The following SPATA13 variants were observed in gnomAD, a reference collection of about 807,000 sequenced individuals.
The protein encoded by SPATA13 is spermatogenesis-associated protein 13.
A neutral mutation model predicts 104.0 loss-of-function variants in SPATA13; 50 were observed. The ratio of observed to expected loss-of-function variants is 0.48; its 90% CI spans 0.38 to 0.61. The LOEUF is 0.61. Ranked by LOEUF, SPATA13 falls within the 20% of genes least tolerant of loss-of-function variation. The probability of loss-of-function intolerance (pLI) is 0.00; values close to 1 mark genes in which losing one functional copy is unlikely to be tolerated. For missense variants in SPATA13, 1,524 were observed against 1,690.6 expected (o/e 0.90, Z 1.73); for synonymous variants, 606 against 667.5 (o/e 0.91, Z 1.42).
At chr13:24,160,622 A>C, upstream of SPATA13, 3 of 617,766 alleles carry the variant, frequency 4.9e-6, no homozygotes, top group East Asian at 1.9e-4. Flanking sequence ...GGCCTGAGGG[A>C]GTGAGCTAAC....
At chr13:24,005,049 C>CT in intron 2 of SPATA13, among the ~76,000 whole-genome samples, 1 of 152,110 alleles carries the variant, frequency 6.6e-6, no homozygotes, top group African/African-American at 2.4e-5. Flanking sequence ...TTATCTTTGC[C>CT]ACATTGCTTT....
intron 1 of SPATA13, among the ~76,000 whole-genome samples, chr13:24,171,034 C>T (rs1882946657): frequency 6.6e-6 from 1 of 151,822 alleles, no homozygotes; most frequent in African/African-American, 2.4e-5. Flanking sequence ...CCTCCATGCC[C>T]CTTCTTTCTG....
At chr13:24,144,226 C>G (rs901056290) in intron 3 of SPATA13, among the ~76,000 whole-genome samples, 1 of 152,144 alleles carries the variant, frequency 6.6e-6, no homozygotes, top group Non-Finnish European at 1.5e-5. Context: ...GGACTTGGAT[C>G]CAGTCTGTCC....
At position 24,303,948 on chromosome 13, in the gene SPATA13, A is replaced by G. The variant is rs1303046401; in HGVS notation, c.*1175A>G. ...AAAAAACATTCAAACAACTGTTTGC[A>G]ATATAAAAAGCTCATTTACTGTAAT... On this transcript the variant is annotated 3_prime_UTR_variant, in exon 13 of 13. Coordinates refer to ENST00000382108, the MANE Select transcript of SPATA13 (RefSeq NM_001166271.3). 6.6e-6 allele frequency: 1 copy of G among 152,258 alleles called. No homozygotes were observed. Among genetic ancestry groups the G allele is most frequent in the Non-Finnish European group, 1.5e-5 (1 of 68,060 alleles). 9.4% of individuals were successfully genotyped at this position (152,258 alleles called of 1,614,324 possible).
At chr13:24,008,349 C>T (rs921190270) in intron 2 of SPATA13, among the ~76,000 whole-genome samples, 2 of 152,188 alleles carry the variant, frequency 1.3e-5, no homozygotes, top group East Asian at 3.9e-4. Flanking sequence ...CCTGCAAAGC[C>T]TTGACTCCTT....
chr13:24,286,639 T>C lies in SPATA13; in HGVS notation c.2482-126T>C. 1 of 950,780 alleles carries C rather than the reference T, an allele frequency of 1.1e-6. No homozygotes were observed. The highest frequency in any genetic ancestry group is 1.5e-6 in the Non-Finnish European group (1 of 648,314). 58.9% of individuals were successfully genotyped at this position (950,780 alleles called of 1,614,324 possible). A position where few individuals can be genotyped will look rare whatever the true frequency, so the allele number is the denominator to read the frequency against. On this transcript the variant is annotated intron_variant, in intron 6 of 12. Coordinates refer to ENST00000382108, the MANE Select transcript of SPATA13 (RefSeq NM_001166271.3). This position sits in a 1 kb window ranked among gnomAD's most constrained non-coding sequence, Gnocchi z 4.9. ...CGCAGCCCTGCTGAGGCCATGAGACTCAGGCGAGGGCCAGGCTGCCTTCCT... is the reference window on the plus strand; with the variant it reads ...CGCAGCCCTGCTGAGGCCATGAGACCCAGGCGAGGGCCAGGCTGCCTTCCT...
chr13:24,020,475 C>A (rs1383281435), intron 3 of SPATA13, among the ~76,000 whole-genome samples: 2 of 152,288 alleles, frequency 1.3e-5, no homozygotes, highest in Middle Eastern at 3.4e-3. Flanking sequence ...GGAAACCATT[C>A]TTGGCCCACA....
At chr13:24,179,104 T>C (rs2138520122) in intron 1 of SPATA13, among the ~76,000 whole-genome samples, 1 of 152,366 alleles carries the variant, frequency 6.6e-6, no homozygotes, top group South Asian at 2.1e-4. Context: ...CATGAATCAG[T>C]ATTTCCTTTC....
At chr13:24,135,118 C>G (rs1881516155) in intron 3 of SPATA13, among the ~76,000 whole-genome samples, 1 of 152,166 alleles carries the variant, frequency 6.6e-6, no homozygotes, top group South Asian at 2.1e-4. Context: ...TCGAACTTCT[C>G]AACTCCAGAG....
chr13:24,227,194 C>G (rs1395216844), intron 2 of SPATA13, among the ~76,000 whole-genome samples: 3 of 152,060 alleles, frequency 2.0e-5, no homozygotes, highest in Non-Finnish European at 4.4e-5. Flanking sequence ...TTGTAACCTC[C>G]CCTCCCTAAA....
chr13:24,257,973 G>C (rs546623006), intron 4 of SPATA13, among the ~76,000 whole-genome samples: 2 of 152,164 alleles, frequency 1.3e-5, no homozygotes, highest in East Asian at 1.9e-4. Context: ...GCTCTGAAAC[G>C]ATAAGAATTC....
intron 2 of SPATA13, among the ~76,000 whole-genome samples, chr13:24,006,011 C>T (rs1481444136): frequency 6.6e-6 from 1 of 152,232 alleles, no homozygotes; most frequent in Non-Finnish European, 1.5e-5. Flanking sequence ...GAGACATCCC[C>T]TGAGAAGGCC....
Position 24,302,743 on chromosome 13 carries a change from C to T in SPATA13, c.3804C>T (p.Thr1268=), listed in dbSNP as rs1295086407. Residue 1268 remains threonine (T), a synonymous_variant, in exon 13 of 13, where the codon ACC becomes ACT. Coordinates refer to ENST00000382108, the MANE Select transcript of SPATA13 (RefSeq NM_001166271.3). ...GGAAGTCCTCGCTCTTCTGGCACAC[C>T]TTCAACAGGCTCACCCCCTTCCGGA... The part of the protein sequence containing the change: ...PKRKSSLFWH[T]FNRLTPFRK The T allele has an allele frequency of 3.7e-6, 6 of 1,614,052 alleles. No individual in the cohort carries two copies. The African/African-American group carries it at 8.0e-5, about 22-fold the overall frequency.
chr13:24,225,152 C>T (rs542207316), intron 2 of SPATA13, among the ~76,000 whole-genome samples: 5 of 152,362 alleles, frequency 3.3e-5, no homozygotes, highest in African/African-American at 7.2e-5. Flanking sequence ...AGGCTGCATT[C>T]GGCTTGCACT....
chr13:24,045,664 G>T (rs1368311079), intron 3 of SPATA13, among the ~76,000 whole-genome samples: 1 of 152,226 alleles, frequency 6.6e-6, no homozygotes, highest in African/African-American at 2.4e-5. Flanking sequence ...TTCAACGGAA[G>T]AATGCTAAGG....
At chr13:24,229,815 G>A (rs1052142470) in intron 2 of SPATA13, among the ~76,000 whole-genome samples, 8 of 152,176 alleles carry the variant, frequency 5.3e-5, no homozygotes, top group Admixed American at 1.3e-4. Context: ...AGACCAGTTA[G>A]GTATGACTCT....
At chr13:24,152,714 A>G (rs1882133205) in intron 3 of SPATA13, among the ~76,000 whole-genome samples, 1 of 152,176 alleles carries the variant, frequency 6.6e-6, no homozygotes, top group African/African-American at 2.4e-5. Flanking sequence ...TTCTTCAAAT[A>G]TGAGCTGCTC....
intron 1 of SPATA13, among the ~76,000 whole-genome samples, chr13:24,164,079 T>G (rs9511098): frequency 0.48 from 73,305 of 152,168 alleles, 18,172 homozygotes; most frequent in Middle Eastern, 0.55. Context: ...GAACACCAAA[T>G]GTACATGGTT....
chr13:24,067,335 A>G (rs1337149465), intron 3 of SPATA13, among the ~76,000 whole-genome samples: 1 of 151,666 alleles, frequency 6.6e-6, no homozygotes, highest in African/African-American at 2.4e-5. Flanking sequence ...TTCCTGAGCT[A>G]TATGTATGTA....
Sources: gnomAD v4.1 joint callset for allele counts (sites outside exome capture counted in the v4.1 genomes callset) on GRCh38, gnomAD v4.1.1 for gene constraint, Gnocchi (gnomAD v3.1) non-coding constraint, MANE v1.5 for transcripts, NCBI Gene and HGNC (gene_info 2026-07-23, HGNC 2026-07-21) for gene names.